The following MECOM variants were observed in gnomAD, a reference collection of about 807,000 sequenced individuals.
The protein encoded by MECOM is histone-lysine N-methyltransferase MECOM.
Under a neutral mutation model 116.3 loss-of-function variants are expected in MECOM, and 13 were observed. The observed-to-expected ratio is 0.11, with a 90% CI of 0.07 to 0.18. The LOEUF (loss-of-function observed/expected upper bound fraction) is 0.18, where lower values mean the gene tolerates loss of function less well. MECOM is among the 10% of genes least tolerant of loss of function. MECOM has a pLI of 1.00. For missense variants in MECOM, 1,299 were observed against 1,509.0 expected (o/e 0.86, Z 2.31); for synonymous variants, 528 against 535.2 (o/e 0.99, Z 0.19).
chr3:169,633,935 G>A (rs904735159), intron 1 of MECOM, among the ~76,000 whole-genome samples: 12 of 150,856 alleles, frequency 8.0e-5, no homozygotes, highest in Admixed American at 5.3e-4. Context: ...ACAAACAGGC[G>A]ACAGGCAGCA....
At chr3:169,360,319 C>CAAAAAAA in intron 2 of MECOM, among the ~76,000 whole-genome samples, 116 of 87,844 alleles carry the variant, frequency 1.3e-3, no homozygotes, top group East Asian at 1.9e-3. Flanking sequence ...AAAGTTACAC[C>CAAAAAAA]AAAAAAAAAA....
Position 169,268,283 on chromosome 3 carries a change from G to A in MECOM, c.375+112904C>T, listed in dbSNP as rs1408385390. On this transcript the variant is annotated intron_variant, in intron 2 of 16. Transcript: ENST00000651503. ...ATTTAACCAACCTAAACACTCAGGG[G>A]AAAAATGTTATCTGAAATCCAACCA... is the stretch of plus-strand genomic sequence containing the variant. Among the ~76,000 whole-genome samples the A allele has an allele frequency of 2.0e-5, 3 of 152,104 alleles. No homozygotes were observed. The East Asian group carries it at 5.8e-4, about 29-fold the overall frequency.
intron 1 of MECOM, among the ~76,000 whole-genome samples, chr3:169,404,951 C>G (rs1231480395): frequency 6.6e-6 from 1 of 152,170 alleles, no homozygotes; most frequent in African/African-American, 2.4e-5. Context: ...ATGGCCTCCT[C>G]TCTTTGACAC....
At chr3:169,462,390 T>G (rs1747595462) in intron 1 of MECOM, among the ~76,000 whole-genome samples, 1 of 152,228 alleles carries the variant, frequency 6.6e-6, no homozygotes, top group Non-Finnish European at 1.5e-5. Context: ...TTTCCCATCT[T>G]TGCCAGCAGG....
intron 2 of MECOM, among the ~76,000 whole-genome samples, chr3:169,266,312 T>C (rs1758294561): frequency 6.6e-6 from 1 of 152,200 alleles, no homozygotes; most frequent in South Asian, 2.1e-4. Context: ...TACAGTTACT[T>C]CCCCACATTA....
At chr3:169,346,523 C>T (rs765163765) in intron 2 of MECOM, among the ~76,000 whole-genome samples, 22 of 151,876 alleles carry the variant, frequency 1.4e-4, no homozygotes, top group Non-Finnish European at 2.9e-4. Flanking sequence ...TTAATAACCA[C>T]GATAGCTGAA....
At position 169,448,641 on chromosome 3, in the gene MECOM, G is replaced by A. The variant is rs1215161752; in HGVS notation, c.38-67117C>T. 2.6e-5 allele frequency among the ~76,000 whole-genome samples: 4 copies of A among 152,238 alleles called. No homozygotes were observed. The East Asian group carries it at 7.7e-4, about 29-fold the overall frequency. On this transcript the variant is annotated intron_variant, in intron 1 of 16. Coordinates refer to ENST00000651503, the MANE Select transcript of MECOM (RefSeq NM_004991.4). ...ATGTGAGACCCCTGGCCTGGGAAGA[G>A]GAGTTTGCATCCTGATTTCCTTTTT...
At chr3:169,222,999 C>A (rs12490853) in intron 2 of MECOM, among the ~76,000 whole-genome samples, 35,285 of 151,932 alleles carry the variant, frequency 0.23, 4,325 homozygotes, top group African/African-American at 0.31. Flanking sequence ...CACAGAAGAA[C>A]CATTCTGGAC....
At chr3:169,418,118 A>C (rs1191114332) in intron 1 of MECOM, among the ~76,000 whole-genome samples, 1 of 151,604 alleles carries the variant, frequency 6.6e-6, no homozygotes, top group African/African-American at 2.4e-5. Flanking sequence ...AATAAAAAAA[A>C]ACTAAACAAA....
At chr3:169,525,180 C>T (rs9851080) in intron 1 of MECOM, among the ~76,000 whole-genome samples, 5,635 of 152,150 alleles carry the variant, frequency 0.037, 347 homozygotes, top group African/African-American at 0.13. Context: ...GTAATAATTG[C>T]CTATGAAAAC....
At chr3:169,145,179 C>A in intron 2 of MECOM, 1 of 410,132 alleles carries the variant, frequency 2.4e-6, no homozygotes, top group Non-Finnish European at 4.3e-6. Context: ...CACACACACA[C>A]ACACACACAC....
intron 2 of MECOM, among the ~76,000 whole-genome samples, chr3:169,179,611 T>C (rs534118866): frequency 1.1e-4 from 16 of 152,128 alleles, no homozygotes; most frequent in Non-Finnish European, 1.8e-4. Flanking sequence ...GCCATCTCAA[T>C]ATCATGCCAC....
At chr3:169,364,921 C>T (rs1351821961) in intron 2 of MECOM, among the ~76,000 whole-genome samples, 3 of 152,006 alleles carry the variant, frequency 2.0e-5, no homozygotes, top group Admixed American at 6.6e-5. Context: ...TCCTGGCTTG[C>T]ATAATGTGTC....
intron 2 of MECOM, among the ~76,000 whole-genome samples, chr3:169,228,123 G>A (rs568422051): frequency 6.6e-6 from 1 of 152,160 alleles, no homozygotes; most frequent in South Asian, 2.1e-4. Context: ...GCCTTGCAGC[G>A]TTCCTGAGCA....
At chr3:169,582,548 A>T (rs2109548805) in intron 1 of MECOM, among the ~76,000 whole-genome samples, 1 of 152,288 alleles carries the variant, frequency 6.6e-6, no homozygotes, top group Admixed American at 6.5e-5. Flanking sequence ...CAAACTGTGT[A>T]TTATTTATCC....
chr3:169,661,166 G>C (rs1776231190), intron 1 of MECOM, among the ~76,000 whole-genome samples: 1 of 152,150 alleles, frequency 6.6e-6, no homozygotes, highest in Non-Finnish European at 1.5e-5. Context: ...AAGAAAATTC[G>C]AAGGGTTTTG....
At position 169,175,264 on chromosome 3, in the gene MECOM, A is replaced by G. The variant is rs1744978508; in HGVS notation, c.376-31432T>C. On this transcript the variant is annotated intron_variant, in intron 2 of 16. Transcript: ENST00000651503. The stretch of plus-strand genomic sequence containing the variant: ...AAATACTACAAGTTGAGCATTCCTA[A>G]TCCAAAAATATAAAGTCTGAAATGC... 2.6e-5 allele frequency among the ~76,000 whole-genome samples: 4 copies of G among 152,158 alleles called. No individual in the cohort carries two copies. The South Asian group carries it at 8.3e-4, about 32-fold the overall frequency.
intron 2 of MECOM, among the ~76,000 whole-genome samples, chr3:169,333,801 T>C (rs1025516720): frequency 2.0e-5 from 3 of 152,010 alleles, no homozygotes; most frequent in African/African-American, 7.2e-5. Context: ...ACTTCTTTTC[T>C]TTTCACTACT....
Position 169,155,330 on chromosome 3 carries a change from T to C in MECOM, c.376-11498A>G, listed in dbSNP as rs902687771. Among the ~76,000 whole-genome samples the C allele has an allele frequency of 6.4e-4, 98 of 152,138 alleles. 1 individual carries two copies. The highest frequency in any genetic ancestry group is 2.4e-3 in the African/African-American group (98 of 41,420). On this transcript the variant is annotated intron_variant, in intron 2 of 16. Coordinates refer to ENST00000651503, the MANE Select transcript of MECOM (RefSeq NM_004991.4). ...CCCATGTTTCCATTTCTTTACCATC[T>C]CTCTCCTTTCTCTGGGCACAAATCC...
Sources: gnomAD v4.1 joint callset for allele counts (sites outside exome capture counted in the v4.1 genomes callset) on GRCh38, gnomAD v4.1.1 for gene constraint, MANE v1.5 for transcripts, NCBI Gene and HGNC (gene_info 2026-07-23, HGNC 2026-07-21) for gene names.